The following MAP4 variants were observed in gnomAD, a reference collection of about 807,000 sequenced individuals.
MAP4 encodes microtubule-associated protein 4.
In MAP4, 76 loss-of-function variants were observed where a neutral mutation model predicts 170.2. That is an observed-to-expected ratio of 0.45 (90% CI 0.37 to 0.54). MAP4 has a LOEUF of 0.54. MAP4 is among the 20% of genes least tolerant of loss of function. MAP4 has a pLI of 0.00. For missense variants in MAP4, 2,506 were observed against 2,748.0 expected (o/e 0.91, Z 1.97); for synonymous variants, 909 against 994.5 (o/e 0.91, Z 1.62).
In MAP4 at chr3:47,909,520, C is replaced by T; in HGVS notation, c.4901G>A (p.Ser1634Asn). The change falls in exon 9 of 21, where the codon AGT becomes AAT. Residue 1634 changes from serine (S) to asparagine (N), a missense_variant. Around this residue, in one of 3 missense-constraint regions of MAP4, gnomAD observed 2,008 missense variants for 2,206.0 expected, o/e 0.91. Transcript: ENST00000683076. ...DLLEDKAQKL[S>N]FCEDQNAQDR... ...TTGAGCATTTTGGTCCTCACAAAAACTGAGCTTTTGTGCTTTGTCTTCCAG... is the reference window on the plus strand; with the variant it reads ...TTGAGCATTTTGGTCCTCACAAAAATTGAGCTTTTGTGCTTTGTCTTCCAG... 6.2e-7 allele frequency: 1 copy of T among 1,613,270 alleles called. No individual in the cohort carries two copies.
chr3:47,852,580 A>G lies in MAP4; in HGVS notation c.*354T>C, dbSNP rs997801895. On this transcript the variant is annotated 3_prime_UTR_variant, in exon 21 of 21. Coordinates refer to ENST00000683076, the MANE Select transcript of MAP4 (RefSeq NM_001385682.1). ...ATAGAATCTGGTTCTCCTCTCCTAG[A>G]TCCCAACTTAGCCTCAACCACCCCA... The G allele has an allele frequency of 3.3e-6, 2 of 615,368 alleles. No individual in the cohort carries two copies. The highest frequency in any genetic ancestry group is 5.4e-6 in the Non-Finnish European group (2 of 367,488). The allele number at this position is 615,368 out of a possible 1,614,324, so 38.1% of individuals were successfully genotyped here.
chr3:48,001,161 C>G (rs1348527080), intron 1 of MAP4, among the ~76,000 whole-genome samples: 2 of 152,022 alleles, frequency 1.3e-5, no homozygotes, highest in Admixed American at 1.3e-4. Flanking sequence ...AGGCCAGGGG[C>G]AAGATCTACA....
Position 47,916,558 on chromosome 3 carries a change from G to A in MAP4, c.1269C>T (p.Asp423=). The A allele has an allele frequency of 6.2e-7, 1 of 1,614,136 alleles. No individual in the cohort carries two copies. The highest frequency in any genetic ancestry group is 1.3e-5 in the African/African-American group (1 of 75,062). ...AGGATATTTCTGTGGATGATATAAT[G>A]TCATTAGCCTGTGCCACCTCTATTT... ...LSEIEVAQAN[D]IISSTEISSA... Residue 423 remains aspartate, a synonymous_variant, in exon 7 of 21, where the codon GAC becomes GAT. Coordinates refer to ENST00000683076, the MANE Select transcript of MAP4 (RefSeq NM_001385682.1).
chr3:47,948,558 T>C lies in MAP4; in HGVS notation c.293-20208A>G, dbSNP rs185479628. 1.0e-3 allele frequency among the ~76,000 whole-genome samples: 156 copies of C among 151,998 alleles called. No individual in the cohort carries two copies. The Middle Eastern group carries it at 0.014, about 13-fold the overall frequency. ...TGACCTATTCTATAGAAAGGGGTGT[T>C]AACAGTGTGTACAAACACATACCAA... On this transcript the variant is annotated intron_variant, in intron 3 of 20. Transcript: ENST00000683076.
intron 1 of MAP4, among the ~76,000 whole-genome samples, chr3:48,059,821 A>C (rs1055030269): frequency 2.0e-5 from 3 of 152,058 alleles, no homozygotes; most frequent in Non-Finnish European, 4.4e-5. Flanking sequence ...TCTCTACTAA[A>C]ATACAAAAAA....
chr3:48,000,060 C>T (rs1223449994), intron 1 of MAP4, among the ~76,000 whole-genome samples: 1 of 151,334 alleles, frequency 6.6e-6, no homozygotes, highest in Non-Finnish European at 1.5e-5. Context: ...ACTAAAAATG[C>T]AAAAATTAGC....
At chr3:47,880,465 G>GT (rs3079393) in intron 10 of MAP4, among the ~76,000 whole-genome samples, 2,490 of 106,060 alleles carry the variant, frequency 0.023, 90 homozygotes, top group African/African-American at 0.065. Context: ...TCCAATTTCA[G>GT]TTTTTTTTTT....
intron 4 of MAP4, 145 bp downstream of exon 4, chr3:47,928,083 A>G (rs2100047084): frequency 1.1e-6 from 1 of 905,338 alleles, no homozygotes; most frequent in Non-Finnish European, 1.6e-6. Flanking sequence ...GGATAAATGA[A>G]GAAGAGAAAG....
chr3:48,040,337 C>T (rs556335900), intron 1 of MAP4, among the ~76,000 whole-genome samples: 9 of 152,166 alleles, frequency 5.9e-5, no homozygotes, highest in African/African-American at 1.9e-4. Flanking sequence ...GGCGTGATCT[C>T]GGCTCACTGC....
chr3:48,082,065 A>C (rs2100146911), intron 1 of MAP4, among the ~76,000 whole-genome samples: 1 of 152,232 alleles, frequency 6.6e-6, no homozygotes, highest in African/African-American at 2.4e-5. Context: ...CTGGATTATA[A>C]GCAAAGAAAA....
At chr3:47,891,464 G>C in intron 10 of MAP4, 1 of 1,526,216 alleles carries the variant, frequency 6.6e-7, no homozygotes, top group East Asian at 2.4e-5. Flanking sequence ...CCCAGGTGTA[G>C]GACTAGGCAT....
chr3:47,903,394 A>G (rs2153394360), intron 9 of MAP4, among the ~76,000 whole-genome samples: 1 of 152,244 alleles, frequency 6.6e-6, no homozygotes, highest in East Asian at 1.9e-4. Flanking sequence ...TTAGCCAGGC[A>G]TAGTGGTGGG....
At chr3:47,862,416 TAA>T (rs1249078884) in intron 17 of MAP4, among the ~76,000 whole-genome samples, 2 of 147,108 alleles carry the variant, frequency 1.4e-5, no homozygotes, top group East Asian at 2.0e-4. Flanking sequence ...AGCTTAAGAT[TAA>T]AAGAGTTATA....
intron 10 of MAP4, among the ~76,000 whole-genome samples, chr3:47,901,255 G>C (rs2100029833): frequency 6.6e-6 from 1 of 152,114 alleles, no homozygotes; most frequent in South Asian, 2.1e-4. Flanking sequence ...GAGGAAAACT[G>C]TCTGTTTTCC....
chr3:47,875,214 T>C (rs2094906901), intron 12 of MAP4, among the ~76,000 whole-genome samples: 1 of 152,186 alleles, frequency 6.6e-6, no homozygotes, highest in Admixed American at 6.5e-5. Flanking sequence ...TGCAGGATGA[T>C]AACAGGGAAA....
Position 47,852,762 on chromosome 3 carries a change from G to A in MAP4, c.*172C>T. 1 of 1,543,912 alleles carries A rather than the reference G, an allele frequency of 6.5e-7. No individual in the cohort carries two copies. Among genetic ancestry groups the A allele is most frequent in the South Asian group, 1.2e-5 (1 of 83,738 alleles). ...GGAGGGAAGGCGAGCCTAGCGGGCT[G>A]CCCAGCACGGCGCCCAAGCGCTCAC... On this transcript the variant is annotated 3_prime_UTR_variant, in exon 21 of 21. Transcript: ENST00000683076.
chr3:47,886,081 G>A (rs1036771680), intron 10 of MAP4, among the ~76,000 whole-genome samples: 2 of 152,188 alleles, frequency 1.3e-5, no homozygotes, highest in Admixed American at 6.5e-5. Context: ...GTAACTAGCT[G>A]CCACTGGCCC....
chr3:47,938,126 T>G (rs989374062), intron 3 of MAP4, among the ~76,000 whole-genome samples: 1 of 151,654 alleles, frequency 6.6e-6, no homozygotes, highest in Non-Finnish European at 1.5e-5. Context: ...ATCCCAGCAC[T>G]TTGGGAAGGC....
At chr3:47,989,969 T>C (rs1211151742) in intron 2 of MAP4, among the ~76,000 whole-genome samples, 1 of 152,202 alleles carries the variant, frequency 6.6e-6, no homozygotes, top group Non-Finnish European at 1.5e-5. Flanking sequence ...TTTATTTTGT[T>C]GATTCCCTCT....
Sources: gnomAD v4.1 joint callset for allele counts (sites outside exome capture counted in the v4.1 genomes callset) on GRCh38, gnomAD v4.1.1 for gene constraint, gnomAD v4.1.1 regional missense constraint, MANE v1.5 for transcripts, NCBI Gene and HGNC (gene_info 2026-07-23, HGNC 2026-07-21) for gene names.